The following MSI2 variants were observed in gnomAD, a reference collection of about 807,000 sequenced individuals.
MSI2 encodes the protein RNA-binding protein Musashi homolog 2.
A neutral mutation model predicts 45.6 loss-of-function variants in MSI2; 17 were observed. The ratio of observed to expected loss-of-function variants is 0.37; its 90% CI spans 0.26 to 0.56. The LOEUF is 0.56. MSI2 is among the 20% of genes least tolerant of loss of function. The pLI, the probability that MSI2 is intolerant of heterozygous loss-of-function variation, is 0.77. For synonymous variants in MSI2, 156 were observed against 158.2 expected (o/e 0.99, Z 0.11); for missense variants, 293 against 444.2 (o/e 0.66, Z 3.06).
Position 57,261,620 on chromosome 17 carries a change from TG to T in MSI2, c.271-527del, listed in dbSNP as rs1451321399. The stretch of plus-strand genomic sequence containing the variant: ...AGCAGAGCACTGTGTTGGATGTCTG[TG>T]GGGAGTTTTTGGATGTTGTTGATTT... On this transcript the variant is annotated intron_variant, in intron 4 of 13. Transcript: ENST00000284073. Among the ~76,000 whole-genome samples, 4 of 152,162 alleles carry T rather than the reference TG, an allele frequency of 2.6e-5. No individual in the cohort carries two copies. In the East Asian group the frequency reaches 7.7e-4, roughly 29 times the overall value.
At chr17:57,475,141 C>G (rs1277850213) in intron 6 of MSI2, among the ~76,000 whole-genome samples, 1 of 152,202 alleles carries the variant, frequency 6.6e-6, no homozygotes, top group African/African-American at 2.4e-5. Context: ...CTGTGGTATG[C>G]AAGGCACTGT....
intron 11 of MSI2, among the ~76,000 whole-genome samples, chr17:57,671,892 T>A (rs1047185020): frequency 1.3e-5 from 2 of 152,218 alleles, no homozygotes; most frequent in Non-Finnish European, 2.9e-5. Context: ...TTCGGGGACT[T>A]TAACATGCTT....
chr17:57,489,882 G>A (rs1191535139), intron 6 of MSI2, among the ~76,000 whole-genome samples: 2 of 152,312 alleles, frequency 1.3e-5, no homozygotes, highest in East Asian at 3.9e-4. Context: ...AGCTCCTGTG[G>A]GCACTGCAAA....
At chr17:57,324,450 A>T (rs149787767) in intron 5 of MSI2, among the ~76,000 whole-genome samples, 48 of 152,184 alleles carry the variant, frequency 3.2e-4, no homozygotes, top group African/African-American at 1.1e-3. Context: ...CTTCCCTTGT[A>T]GCCCTTGGCT....
At chr17:57,379,098 C>G (rs550703913) in intron 5 of MSI2, among the ~76,000 whole-genome samples, 1 of 151,634 alleles carries the variant, frequency 6.6e-6, no homozygotes, top group South Asian at 2.1e-4. Context: ...CTCTCCATCC[C>G]CTCATCAAAC....
intron 7 of MSI2, among the ~76,000 whole-genome samples, chr17:57,592,746 A>T (rs1183849238): frequency 6.6e-6 from 1 of 152,184 alleles, no homozygotes; most frequent in Non-Finnish European, 1.5e-5. Context: ...ATTTGAGATG[A>T]TGCCCTGAGT....
At chr17:57,473,108 G>T (rs190543350) in intron 6 of MSI2, among the ~76,000 whole-genome samples, 7 of 152,182 alleles carry the variant, frequency 4.6e-5, no homozygotes, top group Admixed American at 3.3e-4. Flanking sequence ...GGCCAGGCTG[G>T]TCTTGAACTT....
Position 57,377,111 on chromosome 17 carries a change from G to A in MSI2, c.313-24268G>A, listed in dbSNP as rs563529540. Among the ~76,000 whole-genome samples the A allele has an allele frequency of 3.2e-4, 48 of 152,190 alleles. 2 individuals carry two copies. In the South Asian group the frequency reaches 8.8e-3, roughly 28 times the overall value. ...AATTTTTTGTATTTTTAGTAGAGAC[G>A]AGGTTTCACTGTGTTTACCAGGATG... On this transcript the variant is annotated intron_variant, in intron 5 of 13. Coordinates refer to ENST00000284073, the MANE Select transcript of MSI2 (RefSeq NM_138962.4).
chr17:57,698,438 C>T, the MSI2 span, among the ~76,000 whole-genome samples: 1 of 152,236 alleles, frequency 6.6e-6, no homozygotes, highest in Non-Finnish European at 1.5e-5. Context: ...TGAGGCTGAG[C>T]CTCCCTGTCT....
chr17:57,290,729 C>T (rs8071867), intron 5 of MSI2, among the ~76,000 whole-genome samples: 104,351 of 152,142 alleles, frequency 0.69, 37,170 homozygotes, highest in Middle Eastern at 0.86. Flanking sequence ...ATGCTGAAAT[C>T]GGTGTCTCAG....
intron 6 of MSI2, among the ~76,000 whole-genome samples, chr17:57,438,027 AG>A (rs1238203734): frequency 6.6e-6 from 1 of 152,208 alleles, no homozygotes; most frequent in Non-Finnish European, 1.5e-5. Context: ...ACAAGAGAGA[AG>A]GGGACCTTAT....
chr17:57,427,516 C>T (rs1248798521), intron 6 of MSI2, among the ~76,000 whole-genome samples: 1 of 152,068 alleles, frequency 6.6e-6, no homozygotes, highest in African/African-American at 2.4e-5. Flanking sequence ...TGAGTGGGAC[C>T]CTACTTCTCT....
At chr17:57,554,901 G>A (rs2087395856) in intron 7 of MSI2, among the ~76,000 whole-genome samples, 1 of 152,268 alleles carries the variant, frequency 6.6e-6, no homozygotes, top group Non-Finnish European at 1.5e-5. Context: ...CTTGAGGCAT[G>A]AGCAGCGCCT....
chr17:57,565,583 G>C (rs1330063697), intron 7 of MSI2, among the ~76,000 whole-genome samples: 1 of 152,172 alleles, frequency 6.6e-6, no homozygotes, highest in Non-Finnish European at 1.5e-5. Flanking sequence ...CCAGTTTTGT[G>C]TTGGGATTGC....
chr17:57,691,345 T>G, the MSI2 span, among the ~76,000 whole-genome samples: 3 of 152,186 alleles, frequency 2.0e-5, no homozygotes, highest in African/African-American at 7.2e-5. Flanking sequence ...TTTTGGCTAC[T>G]CTAGTTCATT....
At chr17:57,474,595 C>T (rs1445880836) in intron 6 of MSI2, among the ~76,000 whole-genome samples, 1 of 152,172 alleles carries the variant, frequency 6.6e-6, no homozygotes, top group Non-Finnish European at 1.5e-5. Context: ...CAAAATTGCC[C>T]CTGGTTGAGA....
At chr17:57,524,538 G>A (rs762704801) in intron 6 of MSI2, among the ~76,000 whole-genome samples, 4 of 152,252 alleles carry the variant, frequency 2.6e-5, no homozygotes, top group African/African-American at 7.2e-5. Flanking sequence ...CTGTTAGATA[G>A]ATCTAGACAT....
At chr17:57,581,747 CA>C (rs1401565233) in intron 7 of MSI2, among the ~76,000 whole-genome samples, 1 of 152,170 alleles carries the variant, frequency 6.6e-6, no homozygotes, top group African/African-American at 2.4e-5. Flanking sequence ...GAAATTGAAC[CA>C]AATGCTCCTA....
At chr17:57,615,138 T>TC in intron 8 of MSI2, among the ~76,000 whole-genome samples, 1 of 151,292 alleles carries the variant, frequency 6.6e-6, no homozygotes, top group South Asian at 2.1e-4. Context: ...TTTTTTTTTT[T>TC]TTTTTTTAAG....
Sources: allele counts gnomAD v4.1 joint callset (sites outside exome capture counted in the v4.1 genomes callset), GRCh38; gene constraint gnomAD v4.1.1; transcripts MANE v1.5; gene names NCBI Gene and HGNC (gene_info 2026-07-23, HGNC 2026-07-21).